ABCD2: variants seen among roughly 807,000 people sequenced by gnomAD.
The protein encoded by ABCD2 is ATP binding cassette subfamily D member 2.
Under a neutral mutation model 70.9 loss-of-function variants are expected in ABCD2, and 36 were observed. The ratio of observed to expected loss-of-function variants is 0.51; its 90% confidence interval spans 0.39 to 0.67. The LOEUF is 0.67. ABCD2 is among the 30% of genes least tolerant of loss of function. The pLI, the probability that ABCD2 is intolerant of heterozygous loss-of-function variation, is 0.00. For missense variants in ABCD2, 729 were observed against 890.2 expected (o/e 0.82, Z 2.30); for synonymous variants, 304 against 306.9 (o/e 0.99, Z 0.10).
At chr12:39,545,616 G>A (rs535196493), downstream of ABCD2, among the ~76,000 whole-genome samples, 17 of 152,236 alleles carry the variant, frequency 1.1e-4, no homozygotes, top group East Asian at 3.3e-3. Context: ...ATTTCTAACA[G>A]GCTCTATTAT....
chr12:39,543,825 A>G, the ABCD2 span, among the ~76,000 whole-genome samples: 2 of 152,002 alleles, frequency 1.3e-5, no homozygotes, highest in African/African-American at 4.8e-5. Context: ...ACAAACATAT[A>G]TTAAGTAACT....
chr12:39,533,169 A>AAAAAAC, the ABCD2 span, among the ~76,000 whole-genome samples: 2 of 152,156 alleles, frequency 1.3e-5, no homozygotes, highest in African/African-American at 2.4e-5. Flanking sequence ...CTGTCTCAAA[A>AAAAAAC]AAAAACAAAA....
the ABCD2 span, among the ~76,000 whole-genome samples, chr12:39,543,626 A>C: frequency 1.3e-5 from 2 of 152,210 alleles, no homozygotes; most frequent in Non-Finnish European, 2.9e-5. Context: ...TCCAGGCTTT[A>C]GTAACCAGTA....
In ABCD2 at chr12:39,619,385, C is replaced by A. The variant is rs1260439640; in HGVS notation, c.231G>T (p.Ser77=). ...HCTETICEKP[S]PGVNADFFKQ... ...TGAAGAAATCTGCATTCACTCCAGGCGAAGGTTTTTCACAAATGGTCTCGG... is the reference window on the plus strand; with the variant it reads ...TGAAGAAATCTGCATTCACTCCAGGAGAAGGTTTTTCACAAATGGTCTCGG... Residue 77 remains serine (S), a synonymous_variant, in exon 1 of 10, where the codon TCG becomes TCT. Transcript: ENST00000308666. 3 of 1,613,554 alleles carry A rather than the reference C, an allele frequency of 1.9e-6. No homozygotes were observed. The highest frequency in any genetic ancestry group is 1.7e-5 in the Admixed American group (1 of 59,960).
At chr12:39,603,038 A>G (rs1941922152) in intron 5 of ABCD2, among the ~76,000 whole-genome samples, 1 of 152,128 alleles carries the variant, frequency 6.6e-6, no homozygotes, top group Admixed American at 6.6e-5. Flanking sequence ...TAAAAATACA[A>G]TTTCTTTAAA....
intron 8 of ABCD2, among the ~76,000 whole-genome samples, chr12:39,577,283 AT>A (rs1197716822): frequency 9.2e-5 from 14 of 152,086 alleles, no homozygotes; most frequent in African/African-American, 3.4e-4. Flanking sequence ...TCTTTAAATC[AT>A]TTTTTATGCT....
chr12:39,596,987 T>C (rs961025832), intron 6 of ABCD2, among the ~76,000 whole-genome samples: 3 of 152,156 alleles, frequency 2.0e-5, no homozygotes, highest in Non-Finnish European at 2.9e-5. Flanking sequence ...GTTTGTATGA[T>C]TTTTTATGGT....
At chr12:39,547,459 T>G (rs76050231), downstream of ABCD2, among the ~76,000 whole-genome samples, 2,370 of 152,238 alleles carry the variant, frequency 0.016, 73 homozygotes, top group African/African-American at 0.052. Context: ...GGTATATACA[T>G]GTACAGGACT....
At chr12:39,548,799 A>G (rs907211083), downstream of ABCD2, among the ~76,000 whole-genome samples, 3 of 151,928 alleles carry the variant, frequency 2.0e-5, no homozygotes, top group Admixed American at 2.0e-4. Context: ...TCAGTATTTC[A>G]TTGCTTCATT....
the ABCD2 span, among the ~76,000 whole-genome samples, chr12:39,533,721 A>G: frequency 6.6e-6 from 1 of 152,326 alleles, no homozygotes; most frequent in East Asian, 1.9e-4. Context: ...CAATTGTAAA[A>G]CAGTCTTTAG....
intron 7 of ABCD2, among the ~76,000 whole-genome samples, chr12:39,583,675 C>T (rs993842085): frequency 6.6e-6 from 1 of 152,156 alleles, no homozygotes; most frequent in African/African-American, 2.4e-5. Context: ...TCCTCCTACC[C>T]TCCAATCCTC....
intron 9 of ABCD2, among the ~76,000 whole-genome samples, chr12:39,568,393 T>A (rs887470823): frequency 6.6e-6 from 1 of 152,212 alleles, no homozygotes; most frequent in African/African-American, 2.4e-5. Flanking sequence ...CCATCACTGA[T>A]ACCCTTTCTT....
At chr12:39,557,585 A>T (rs759050234) in intron 9 of ABCD2, among the ~76,000 whole-genome samples, 2 of 152,126 alleles carry the variant, frequency 1.3e-5, no homozygotes, top group African/African-American at 4.8e-5. Context: ...TCTCCAAGGC[A>T]TGTAAGTGGT....
At chr12:39,534,760 G>A in the ABCD2 span, among the ~76,000 whole-genome samples, 21 of 113,254 alleles carry the variant, frequency 1.9e-4, no homozygotes, top group African/African-American at 6.9e-4. Context: ...AAGAAAGAAA[G>A]AGAAAGAAAG....
chr12:39,561,596 A>G (rs1202360860), intron 9 of ABCD2, among the ~76,000 whole-genome samples: 3 of 152,140 alleles, frequency 2.0e-5, no homozygotes, highest in Non-Finnish European at 4.4e-5. Flanking sequence ...GAAAGCTATA[A>G]AAGAGGCCAA....
At chr12:39,579,472 C>T (rs963054071) in intron 8 of ABCD2, 63 bp downstream of exon 8, 3 of 1,156,214 alleles carry the variant, frequency 2.6e-6, no homozygotes, top group Non-Finnish European at 3.8e-6. Context: ...TTTTGTTGTT[C>T]CTATTGTTGC....
the ABCD2 span, chr12:39,539,866 G>C: frequency 6.5e-6 from 1 of 153,196 alleles, no homozygotes; most frequent in Non-Finnish European, 1.5e-5. Flanking sequence ...CACACTGACA[G>C]CTATAGTCAA....
intron 5 of ABCD2, among the ~76,000 whole-genome samples, chr12:39,602,802 C>T (rs1030426530): frequency 6.6e-6 from 1 of 152,072 alleles, no homozygotes; most frequent in Non-Finnish European, 1.5e-5. Context: ...GCCATGTACA[C>T]TATTTATTAA....
chr12:39,533,582 T>C, the ABCD2 span, among the ~76,000 whole-genome samples: 12 of 152,224 alleles, frequency 7.9e-5, no homozygotes, highest in Admixed American at 5.9e-4. Context: ...CATTCAGATG[T>C]TCATGTAGAG....
Sources: allele counts gnomAD v4.1 joint callset (sites outside exome capture counted in the v4.1 genomes callset), GRCh38; gene constraint gnomAD v4.1.1; transcripts MANE v1.5; gene names NCBI Gene and HGNC (gene_info 2026-07-23, HGNC 2026-07-21).